The following ABHD2 variants were observed in gnomAD, a reference collection of about 807,000 sequenced individuals.
ABHD2 encodes the protein monoacylglycerol lipase ABHD2.
In ABHD2, 20 loss-of-function variants were observed where a neutral mutation model predicts 48.1. The observed-to-expected ratio is 0.42, with a 90% CI of 0.29 to 0.60. The LOEUF (loss-of-function observed/expected upper bound fraction) is 0.60, where lower values mean the gene tolerates loss of function less well. Ranked by LOEUF, ABHD2 falls within the 20% of genes least tolerant of loss-of-function variation. The pLI, the probability that ABHD2 is intolerant of heterozygous loss-of-function variation, is 0.24. For missense variants in ABHD2, 405 were observed against 550.9 expected (o/e 0.74, Z 2.65); for synonymous variants, 209 against 214.2 (o/e 0.98, Z 0.21).
chr15:89,099,497 C>G (rs985290141), intron 1 of ABHD2, among the ~76,000 whole-genome samples: 8 of 152,182 alleles, frequency 5.3e-5, no homozygotes, highest in African/African-American at 1.9e-4. Flanking sequence ...CCTGCAGTCC[C>G]AGCTACTCGG....
At chr15:89,075,583 T>C in the ABHD2 span, among the ~76,000 whole-genome samples, 1 of 152,116 alleles carries the variant, frequency 6.6e-6, no homozygotes, top group Non-Finnish European at 1.5e-5. This position sits in a 1 kb window ranked among gnomAD's most constrained non-coding sequence, Gnocchi z 4.1. Context: ...AAAAAGATGC[T>C]GAAGGGCCTC....
the ABHD2 span, among the ~76,000 whole-genome samples, chr15:89,042,653 C>G: frequency 1.6e-5 from 2 of 124,532 alleles, no homozygotes; most frequent in Non-Finnish European, 1.8e-5. Flanking sequence ...TTTGTTTTTT[C>G]TTTTCTTTTT....
rs1475826493 is a variant in ABHD2, at chr15:89,151,593, G to A, written c.195-84G>A. ...GCAGAATTTCCCTGGAACAAAAATA[G>A]GTTGAAAGAGTTTTGCTAAAAGATT... On this transcript the variant is annotated intron_variant, in intron 3 of 10. Transcript: ENST00000352732. The surrounding 1 kb of genome is among the most constrained non-coding windows in gnomAD (Gnocchi z 4.7). 4.1e-6 allele frequency: 6 copies of A among 1,461,708 alleles called. No homozygotes were observed. Among genetic ancestry groups the A allele is most frequent in the Non-Finnish European group, 4.6e-6 (5 of 1,075,940 alleles). 90.5% of individuals were successfully genotyped at this position (1,461,708 alleles called of 1,614,324 possible).
intron 3 of ABHD2, among the ~76,000 whole-genome samples, chr15:89,139,286 T>A (rs532375704): frequency 6.6e-6 from 1 of 152,250 alleles, no homozygotes; most frequent in Admixed American, 6.5e-5. Flanking sequence ...CTCAGAAATA[T>A]CTCTCCTCTC....
In ABHD2 at chr15:89,151,871, T is replaced by G; in HGVS notation, c.370+19T>G. 1 of 1,611,038 alleles carries G rather than the reference T, an allele frequency of 6.2e-7. No homozygotes were observed. Among genetic ancestry groups the G allele is most frequent in the East Asian group, 2.2e-5 (1 of 44,834 alleles). On this transcript the variant is annotated intron_variant, in intron 4 of 10. Coordinates refer to ENST00000352732, the MANE Select transcript of ABHD2 (RefSeq NM_152924.5). The surrounding 1 kb of genome is among the most constrained non-coding windows in gnomAD (Gnocchi z 4.7). The stretch of plus-strand genomic sequence containing the variant: ...GTTGGAGGTGAGCTGCTTTAGATTG[T>G]GTGATTGAGCCATCACTCAGAGAAG...
intron 1 of ABHD2, among the ~76,000 whole-genome samples, chr15:89,095,712 G>A (rs569774051): frequency 1.3e-5 from 2 of 152,262 alleles, no homozygotes; most frequent in East Asian, 1.9e-4. Context: ...CTTTCCTCGT[G>A]TAGCACCATC....
chr15:89,154,637 T>C (rs771389987), intron 4 of ABHD2, among the ~76,000 whole-genome samples: 1 of 152,228 alleles, frequency 6.6e-6, no homozygotes, highest in African/African-American at 2.4e-5. Context: ...AGCATTATTA[T>C]AACCCCCTTC....
At chr15:89,162,008 T>G in intron 5 of ABHD2, among the ~76,000 whole-genome samples, 1 of 152,192 alleles carries the variant, frequency 6.6e-6, no homozygotes, top group East Asian at 1.9e-4. Context: ...CTCTGGTATC[T>G]CTCTGTGTCC....
the ABHD2 span, among the ~76,000 whole-genome samples, chr15:89,049,597 C>T: frequency 6.6e-6 from 1 of 152,232 alleles, no homozygotes; most frequent in Non-Finnish European, 1.5e-5. Context: ...CCTCGTGCGC[C>T]GTTTTTTAAG....
chr15:89,083,294 A>G (rs966752842), upstream of ABHD2, among the ~76,000 whole-genome samples: 3 of 152,216 alleles, frequency 2.0e-5, no homozygotes, highest in South Asian at 2.1e-4. The surrounding 1 kb of genome is among the most constrained non-coding windows in gnomAD (Gnocchi z 5.1). Flanking sequence ...TATTTAATGC[A>G]CAAGTTTTAT....
the ABHD2 span, among the ~76,000 whole-genome samples, chr15:89,055,387 C>T: frequency 1.2e-4 from 17 of 146,906 alleles, no homozygotes; most frequent in African/African-American, 4.1e-4. Flanking sequence ...AGTGCAGTGG[C>T]ACGATCTCAT....
intron 3 of ABHD2, among the ~76,000 whole-genome samples, chr15:89,117,618 A>C (rs556656141): frequency 3.3e-5 from 5 of 152,248 alleles, no homozygotes; most frequent in South Asian, 2.1e-4. Flanking sequence ...GGCTGCAGCT[A>C]CTCAGAGAGA....
Position 89,088,890 on chromosome 15 carries a change from G to T in ABHD2, c.-107+327G>T, listed in dbSNP as rs536032330. Among the ~76,000 whole-genome samples, 1 of 152,352 alleles carries T rather than the reference G, an allele frequency of 6.6e-6. No individual in the cohort carries two copies. The highest frequency in any genetic ancestry group is 1.9e-4 in the East Asian group (1 of 5,178). ...TGGGTCTTCAGGGGCCTGGGGAGGG[G>T]TCTGCCGGTTCAGGCTCGGCGAAGA... On this transcript the variant is annotated intron_variant, in intron 1 of 10. Coordinates refer to ENST00000352732, the MANE Select transcript of ABHD2 (RefSeq NM_152924.5). The surrounding 1 kb of genome is among the most constrained non-coding windows in gnomAD (Gnocchi z 6.8).
Position 89,173,849 on chromosome 15 carries a change from C to T in ABHD2, c.539-1963C>T, listed in dbSNP as rs1056035940. 4.6e-5 allele frequency among the ~76,000 whole-genome samples: 7 copies of T among 152,282 alleles called. No homozygotes were observed. Among genetic ancestry groups the T allele is most frequent in the African/African-American group, 1.2e-4 (5 of 41,546 alleles). On this transcript the variant is annotated intron_variant, in intron 5 of 10. Coordinates refer to ENST00000352732, the MANE Select transcript of ABHD2 (RefSeq NM_152924.5). The surrounding 1 kb of genome is among the most constrained non-coding windows in gnomAD (Gnocchi z 6.5). ...TCTACTATCTCACTGGAGAGGGAGA[C>T]GGGCTGCCTTCTCAAAGTTGGTGCC... is the stretch of plus-strand genomic sequence containing the variant.
chr15:89,195,461 T>C lies in ABHD2; in HGVS notation c.*38T>C, dbSNP rs762218506. 6.3e-7 allele frequency: 1 copy of C among 1,592,768 alleles called. No homozygotes were observed. Among genetic ancestry groups the C allele is most frequent in the South Asian group, 1.1e-5 (1 of 88,972 alleles). ...CTGGCACGCTCCAGCAGCCCTCCTC[T>C]GGAAGCTGCGTCCCCTCACCCCCTG... is the stretch of plus-strand genomic sequence containing the variant. On this transcript the variant is annotated 3_prime_UTR_variant, in exon 11 of 11. Coordinates refer to ENST00000352732, the MANE Select transcript of ABHD2 (RefSeq NM_152924.5). This position sits in a 1 kb window ranked among gnomAD's most constrained non-coding sequence, Gnocchi z 5.1.
upstream of ABHD2, among the ~76,000 whole-genome samples, chr15:89,084,842 C>T (rs1036388222): frequency 6.6e-6 from 1 of 152,178 alleles, no homozygotes; most frequent in Non-Finnish European, 1.5e-5. The surrounding 1 kb of genome is among the most constrained non-coding windows in gnomAD (Gnocchi z 4.4). Context: ...ATGAGACAAG[C>T]ACTTCACTGT....
chr15:89,050,359 C>T, the ABHD2 span, among the ~76,000 whole-genome samples: 2 of 152,126 alleles, frequency 1.3e-5, no homozygotes, highest in African/African-American at 4.8e-5. Flanking sequence ...GACATGTGTC[C>T]AATGAAGAAA....
the ABHD2 span, chr15:89,075,256 A>T: frequency 6.6e-6 from 1 of 152,198 alleles, no homozygotes; most frequent in African/African-American, 2.4e-5. The surrounding 1 kb of genome is among the most constrained non-coding windows in gnomAD (Gnocchi z 4.1). Flanking sequence ...GGCCCCCAGC[A>T]CTCAGCCTTA....
At chr15:89,053,454 A>G in the ABHD2 span, among the ~76,000 whole-genome samples, 1 of 152,186 alleles carries the variant, frequency 6.6e-6, no homozygotes, top group Non-Finnish European at 1.5e-5. Context: ...CCTTATAGAA[A>G]CAAAGGCAGC....
Sources: gnomAD v4.1 joint callset for allele counts (sites outside exome capture counted in the v4.1 genomes callset) on GRCh38, gnomAD v4.1.1 for gene constraint, Gnocchi (gnomAD v3.1) non-coding constraint, MANE v1.5 for transcripts, NCBI Gene and HGNC (gene_info 2026-07-23, HGNC 2026-07-21) for gene names.